Variants in KHDRBS2 observed in about 807,000 individuals in gnomAD.
KHDRBS2 encodes KH RNA binding domain containing, signal transduction associated 2, also known as KH domain-containing, RNA-binding, signal transduction-associated protein 2.
KHDRBS2 carries 26 observed loss-of-function variants against 44.3 expected under a neutral mutation model. The ratio of observed to expected loss-of-function variants is 0.59; its 90% CI spans 0.43 to 0.81. KHDRBS2 has a LOEUF of 0.81. Among genes scored for constraint, KHDRBS2 ranks in the 40% least tolerant of loss-of-function variants. The probability of loss-of-function intolerance (pLI) is 0.00; values close to 1 mark genes in which losing one functional copy is unlikely to be tolerated. For synonymous variants in KHDRBS2, 194 were observed against 151.1 expected (o/e 1.28, Z -2.08); for missense variants, 476 against 433.1 (o/e 1.10, Z -0.88).
chr6:61,553,026 T>G, the KHDRBS2 span, among the ~76,000 whole-genome samples: 1 of 152,200 alleles, frequency 6.6e-6, no homozygotes, highest in African/African-American at 2.4e-5. Flanking sequence ...ATAGAATGAC[T>G]TAGGGAGGAC....
At chr6:61,839,343 CTG>C (rs1793224500) in intron 6 of KHDRBS2, among the ~76,000 whole-genome samples, 1 of 151,920 alleles carries the variant, frequency 6.6e-6, no homozygotes, top group Non-Finnish European at 1.5e-5. Flanking sequence ...ATTAAATACT[CTG>C]TGCCTTACAA....
intron 6 of KHDRBS2, among the ~76,000 whole-genome samples, chr6:61,840,261 A>T (rs1430875476): frequency 1.3e-5 from 2 of 152,110 alleles, no homozygotes. Context: ...TTTTGACATC[A>T]TTATAAATAA....
rs1802989511 is a variant in KHDRBS2, at chr6:62,105,503, T to C, written c.220-57509A>G. 3.3e-5 allele frequency among the ~76,000 whole-genome samples: 5 copies of C among 152,282 alleles called. No homozygotes were observed. The South Asian group carries it at 1.0e-3, about 32-fold the overall frequency. On this transcript the variant is annotated intron_variant, in intron 2 of 8. Transcript: ENST00000281156. ...ATTCAACTTCTTCCTGGTTTAGTCT[T>C]GGGAGGGTGTATGTGTCGAGGAATT...
intron 7 of KHDRBS2, among the ~76,000 whole-genome samples, chr6:61,731,608 C>T (rs1228218270): frequency 1.3e-5 from 2 of 151,992 alleles, no homozygotes; most frequent in African/African-American, 4.8e-5. Context: ...TTCTTTGCCA[C>T]CTCAAATATT....
chr6:62,270,303 T>TC (rs1322525013), intron 1 of KHDRBS2, among the ~76,000 whole-genome samples: 12 of 103,184 alleles, frequency 1.2e-4, no homozygotes, highest in African/African-American at 5.3e-4. Context: ...CTCTCTCTCC[T>TC]CTCTCTCTCT....
At chr6:61,946,790 T>C (rs756960125) in intron 4 of KHDRBS2, among the ~76,000 whole-genome samples, 1 of 152,160 alleles carries the variant, frequency 6.6e-6, no homozygotes, top group South Asian at 2.1e-4. Context: ...AGGATGTTGA[T>C]CTGAAGCAAA....
intron 4 of KHDRBS2, among the ~76,000 whole-genome samples, chr6:61,911,664 T>C (rs1226574191): frequency 1.3e-5 from 2 of 152,290 alleles, no homozygotes; most frequent in Non-Finnish European, 2.9e-5. Flanking sequence ...ACATTTGCTA[T>C]ATTTCTTCAT....
chr6:61,743,969 T>C (rs903537133), intron 6 of KHDRBS2, among the ~76,000 whole-genome samples: 1 of 152,064 alleles, frequency 6.6e-6, no homozygotes, highest in Non-Finnish European at 1.5e-5. Context: ...TCACCATTTT[T>C]TATGGCTGCA....
chr6:62,136,325 T>G (rs1390199696), intron 2 of KHDRBS2, among the ~76,000 whole-genome samples: 1 of 152,186 alleles, frequency 6.6e-6, no homozygotes, highest in Admixed American at 6.5e-5. Flanking sequence ...ACACTTTACA[T>G]AAGAAAAGTG....
At chr6:61,622,628 G>A in the KHDRBS2 span, among the ~76,000 whole-genome samples, 3 of 152,150 alleles carry the variant, frequency 2.0e-5, no homozygotes, top group African/African-American at 4.8e-5. Flanking sequence ...CGTTAGAGGG[G>A]CAGTTAGAAG....
chr6:62,156,585 G>T (rs1164695195), intron 2 of KHDRBS2, among the ~76,000 whole-genome samples: 2 of 152,136 alleles, frequency 1.3e-5, no homozygotes, highest in African/African-American at 4.8e-5. Context: ...AATGTTACTA[G>T]ATTTTTTGTT....
At chr6:61,719,482 C>G (rs1268529209) in intron 7 of KHDRBS2, among the ~76,000 whole-genome samples, 1 of 151,610 alleles carries the variant, frequency 6.6e-6, no homozygotes, top group Non-Finnish European at 1.5e-5. Flanking sequence ...AAAAGGTTAT[C>G]AGAACATGAA....
chr6:61,971,618 C>T (rs939261861), intron 4 of KHDRBS2, among the ~76,000 whole-genome samples: 15 of 152,110 alleles, frequency 9.9e-5, no homozygotes, highest in Admixed American at 1.3e-4. Flanking sequence ...AGAGGCTAAT[C>T]GAACTCTCTT....
the KHDRBS2 span, among the ~76,000 whole-genome samples, chr6:61,547,631 C>A: frequency 6.6e-6 from 1 of 152,060 alleles, no homozygotes; most frequent in Non-Finnish European, 1.5e-5. Context: ...TGGTTTGCAT[C>A]ACTTCGAGAG....
At chr6:61,609,803 G>A in the KHDRBS2 span, among the ~76,000 whole-genome samples, 2 of 152,334 alleles carry the variant, frequency 1.3e-5, no homozygotes, top group African/African-American at 4.8e-5. Flanking sequence ...TGAGAGGGGA[G>A]TGAATATGTT....
At chr6:62,184,378 A>G (rs370306933) in intron 1 of KHDRBS2, among the ~76,000 whole-genome samples, 1 of 151,778 alleles carries the variant, frequency 6.6e-6, no homozygotes, top group Non-Finnish European at 1.5e-5. Context: ...AGAAACATCA[A>G]TGGAACTTTG....
Position 62,203,063 on chromosome 6 carries a change from T to C in KHDRBS2, c.92-25751A>G, listed in dbSNP as rs1260556537. On this transcript the variant is annotated intron_variant, in intron 1 of 8. Transcript: ENST00000281156. ...CTCTTGGAATACAATTATTGTTCAGTAAAATTTATTGAAGGACCAGTGAAG... is the reference window on the plus strand; with the variant it reads ...CTCTTGGAATACAATTATTGTTCAGCAAAATTTATTGAAGGACCAGTGAAG... Among the ~76,000 whole-genome samples, 12 of 152,244 alleles carry C rather than the reference T, an allele frequency of 7.9e-5. No homozygotes were observed. In the East Asian group the frequency reaches 2.3e-3, roughly 29 times the overall value.
chr6:62,055,971 G>C (rs1400633763), intron 2 of KHDRBS2, among the ~76,000 whole-genome samples: 1 of 151,954 alleles, frequency 6.6e-6, no homozygotes, highest in Admixed American at 6.6e-5. Flanking sequence ...CAAACTTCCA[G>C]TCTGTGATCA....
At chr6:62,011,456 C>T (rs1395231501) in intron 3 of KHDRBS2, among the ~76,000 whole-genome samples, 1 of 152,086 alleles carries the variant, frequency 6.6e-6, no homozygotes, top group East Asian at 1.9e-4. Context: ...AATTCCATAA[C>T]TCAATACTGC....
Sources: allele counts gnomAD v4.1 joint callset (sites outside exome capture counted in the v4.1 genomes callset), GRCh38; gene constraint gnomAD v4.1.1; transcripts MANE v1.5; gene names NCBI Gene and HGNC (gene_info 2026-07-23, HGNC 2026-07-21).